The following ATG7 variants were observed in gnomAD, a reference collection of about 807,000 sequenced individuals.
ATG7 encodes the protein autophagy related 7.
In ATG7, 70 loss-of-function variants were observed where a neutral mutation model predicts 82.4. The ratio of observed to expected loss-of-function variants is 0.85; its 90% CI spans 0.70 to 1.04. The LOEUF is 1.04. Among genes scored for constraint, ATG7 ranks in the 50% least tolerant of loss-of-function variants. The pLI is 0.00. For missense variants in ATG7, 792 were observed against 864.3 expected, an observed-to-expected ratio of 0.92 and a Z score of 1.05; for synonymous variants, 287 against 313.0, an observed-to-expected ratio of 0.92 and a Z score of 0.88.
In ATG7 at chr3:11,295,820, CTTG is replaced by C. The variant is rs1162830280; in HGVS notation, c.-10-2862_-10-2860del. ...TTTTTTTTTGAGATGGAGTTTCGCT[CTTG>C]TTGCCCAGGCTGGAGTGCAATGGCA... is the stretch of plus-strand genomic sequence containing the variant. On this transcript the variant is annotated intron_variant, in intron 3 of 20. Transcript: ENST00000693202. Among the ~76,000 whole-genome samples, 5 of 144,518 alleles carry C rather than the reference CTTG, an allele frequency of 3.5e-5. No homozygotes were observed. The East Asian group carries it at 9.9e-4, about 29-fold the overall frequency. 94.8% of individuals were successfully genotyped at this position (144,518 alleles called of 152,430 possible).
intron 7 of ATG7, 91 bp from the exon 8 acceptor site, chr3:11,313,213 T>C: frequency 1.3e-6 from 1 of 748,672 alleles, no homozygotes; most frequent in Non-Finnish European, 2.1e-6. Flanking sequence ...CTTTGCTATC[T>C]TAATTGGCCT....
intron 20 of ATG7, among the ~76,000 whole-genome samples, chr3:11,534,084 C>G (rs965412404): frequency 9.8e-5 from 15 of 152,358 alleles, no homozygotes; most frequent in East Asian, 1.9e-4. Flanking sequence ...TCCTCCCCCC[C>G]CAGGGGAAAG....
chr3:11,422,026 C>T (rs1176538678), intron 19 of ATG7, among the ~76,000 whole-genome samples: 2 of 152,076 alleles, frequency 1.3e-5, no homozygotes, highest in African/African-American at 4.8e-5. Flanking sequence ...GTGCTGTTAC[C>T]CAGATTTTGT....
At chr3:11,428,026 C>G (rs1340911071) in intron 20 of ATG7, among the ~76,000 whole-genome samples, 1 of 152,160 alleles carries the variant, frequency 6.6e-6, no homozygotes, top group African/African-American at 2.4e-5. Flanking sequence ...TTTCCACAAA[C>G]TATATAAGGA....
At chr3:11,363,710 T>C (rs1394077524) in intron 17 of ATG7, among the ~76,000 whole-genome samples, 1 of 152,242 alleles carries the variant, frequency 6.6e-6, no homozygotes, top group African/African-American at 2.4e-5. Context: ...CTCCAGACTA[T>C]GTTTAATGAC....
chr3:11,529,133 G>A (rs2092644929), intron 20 of ATG7, among the ~76,000 whole-genome samples: 1 of 152,112 alleles, frequency 6.6e-6, no homozygotes, highest in South Asian at 2.1e-4. Context: ...CATGGGAGGG[G>A]GACGGGGCAA....
rs4470494 is a variant in ATG7 at position 11,494,715 on chromosome 3, A to T, written c.2080-60096A>T. Among the ~76,000 whole-genome samples the T allele has an allele frequency of 3.3e-3, 501 of 152,306 alleles. 2 individuals are homozygous for T. Among genetic ancestry groups the T allele is most frequent in the African/African-American group, 0.01 (428 of 41,542 alleles). ...CACATTTATGGAGGTTGTGTCAGAT[A>T]CTAGTCATAGGGCTTTGGCAGCCAT... On this transcript the variant is annotated intron_variant, in intron 20 of 20. Coordinates refer to ENST00000693202, the MANE Select transcript of ATG7 (RefSeq NM_001349232.2).
intron 7 of ATG7, among the ~76,000 whole-genome samples, chr3:11,311,290 C>G (rs191450730): frequency 1.3e-5 from 2 of 152,120 alleles, no homozygotes; most frequent in Admixed American, 1.3e-4. Context: ...TTGAAAATGA[C>G]CTGATAAAGT....
the ATG7 span, among the ~76,000 whole-genome samples, chr3:11,565,173 C>T: frequency 7.2e-5 from 11 of 152,140 alleles, no homozygotes; most frequent in Admixed American, 3.3e-4. This position sits in a 1 kb window ranked among gnomAD's most constrained non-coding sequence, Gnocchi z 4.1. Context: ...GTTGCCAGCC[C>T]GGGTCAGCCG....
At chr3:11,452,976 C>T (rs889776276) in intron 20 of ATG7, among the ~76,000 whole-genome samples, 2 of 152,188 alleles carry the variant, frequency 1.3e-5, no homozygotes, top group Non-Finnish European at 2.9e-5. Flanking sequence ...AGTAGCAGTC[C>T]ATTGGGCCCA....
intron 19 of ATG7, among the ~76,000 whole-genome samples, chr3:11,384,470 A>C (rs2078160586): frequency 6.6e-6 from 1 of 152,152 alleles, no homozygotes; most frequent in Non-Finnish European, 1.5e-5. Context: ...AACTCCTCAA[A>C]GTGACTTGCT....
At chr3:11,562,928 G>A in the ATG7 span, among the ~76,000 whole-genome samples, 1 of 152,238 alleles carries the variant, frequency 6.6e-6, no homozygotes, top group African/African-American at 2.4e-5. Context: ...GGCACAAGGA[G>A]GGGCCCTTGC....
At chr3:11,383,152 G>A (rs2078044922) in intron 19 of ATG7, among the ~76,000 whole-genome samples, 1 of 152,124 alleles carries the variant, frequency 6.6e-6, no homozygotes, top group African/African-American at 2.4e-5. Flanking sequence ...ACCAGTTAAT[G>A]TTCATTATAG....
rs935292109 is a variant in ATG7, at chr3:11,495,194, G to C, written c.2080-59617G>C. On this transcript the variant is annotated intron_variant, in intron 20 of 20. Transcript: ENST00000693202. Reference sequence around the variant, plus strand: ...ACAGGGCAGGCTCAGTTGGGTACGTGGCTTAGACTCCCCAGGGAAGGAGGC... The same window carrying C: ...ACAGGGCAGGCTCAGTTGGGTACGTCGCTTAGACTCCCCAGGGAAGGAGGC... Among the ~76,000 whole-genome samples, 5 of 152,198 alleles carry C rather than the reference G, an allele frequency of 3.3e-5. No homozygotes were observed. In the South Asian group the frequency reaches 1.0e-3, roughly 32 times the overall value.
intron 9 of ATG7, among the ~76,000 whole-genome samples, chr3:11,322,447 A>G (rs945556896): frequency 9.2e-5 from 14 of 152,264 alleles, no homozygotes; most frequent in Non-Finnish European, 1.8e-4. Context: ...CCAGCTATAT[A>G]TCTCTGTTTT....
chr3:11,390,391 C>G (rs2078700341), intron 19 of ATG7, among the ~76,000 whole-genome samples: 1 of 152,232 alleles, frequency 6.6e-6, no homozygotes, highest in Admixed American at 6.5e-5. Flanking sequence ...TATCTGCTGT[C>G]TTTGCCTAAT....
intron 19 of ATG7, among the ~76,000 whole-genome samples, chr3:11,413,882 G>T (rs1004519850): frequency 6.6e-6 from 1 of 152,138 alleles, no homozygotes; most frequent in African/African-American, 2.4e-5. Context: ...GGAGATTTCT[G>T]ATTACTGATT....
intron 20 of ATG7, among the ~76,000 whole-genome samples, chr3:11,499,267 C>T (rs1039792568): frequency 5.3e-5 from 8 of 150,878 alleles, no homozygotes; most frequent in Non-Finnish European, 7.4e-5. Context: ...TCTATCCTTT[C>T]CTGTTCTACA....
intron 20 of ATG7, among the ~76,000 whole-genome samples, chr3:11,483,062 A>G (rs2089201447): frequency 6.6e-6 from 1 of 152,034 alleles, no homozygotes; most frequent in Non-Finnish European, 1.5e-5. Flanking sequence ...CACCTCTCCT[A>G]TTTAATATGT....
Sources: allele counts gnomAD v4.1 joint callset (sites outside exome capture counted in the v4.1 genomes callset), GRCh38; gene constraint gnomAD v4.1.1; non-coding constraint Gnocchi (gnomAD v3.1); transcripts MANE v1.5; gene names NCBI Gene and HGNC (gene_info 2026-07-23, HGNC 2026-07-21).